The following CNTNAP2 variants were observed in gnomAD, a reference collection of about 807,000 sequenced individuals.
CNTNAP2 encodes contactin associated protein 2.
CNTNAP2 carries 98 observed loss-of-function variants against 155.2 expected under a neutral mutation model. The observed-to-expected ratio is 0.63, with a 90% CI of 0.54 to 0.75. The LOEUF (loss-of-function observed/expected upper bound fraction) is 0.75, where lower values mean the gene tolerates loss of function less well. Among genes scored for constraint, CNTNAP2 ranks in the 30% least tolerant of loss-of-function variants. The pLI is 0.00. For missense variants in CNTNAP2, 1,727 were observed against 1,688.1 expected, an observed-to-expected ratio of 1.02 and a Z score of -0.40; for synonymous variants, 651 against 631.2, an observed-to-expected ratio of 1.03 and a Z score of -0.47.
intron 22 of CNTNAP2, among the ~76,000 whole-genome samples, chr7:148,402,154 A>C (rs1007120506): frequency 1.3e-5 from 2 of 149,470 alleles, no homozygotes; most frequent in Admixed American, 6.7e-5. Context: ...GTTTCTCTTC[A>C]CTCGACCTCT....
chr7:147,786,799 T>C (rs114234245), intron 13 of CNTNAP2, among the ~76,000 whole-genome samples: 1,689 of 152,162 alleles, frequency 0.011, 27 homozygotes, highest in African/African-American at 0.039. Context: ...AAGACCTCCA[T>C]CTATACATAA....
At chr7:147,475,651 G>C (rs1028964153) in intron 10 of CNTNAP2, among the ~76,000 whole-genome samples, 2 of 151,958 alleles carry the variant, frequency 1.3e-5, no homozygotes, top group Non-Finnish European at 2.9e-5. Flanking sequence ...AAAAAAATAT[G>C]TAGTCAAATT....
intron 12 of CNTNAP2, among the ~76,000 whole-genome samples, chr7:147,595,530 C>T (rs1456766843): frequency 1.3e-5 from 2 of 152,162 alleles, no homozygotes. Context: ...AAAATATTCC[C>T]TACTGATGTA....
chr7:147,244,304 G>C (rs1167090785), intron 8 of CNTNAP2, among the ~76,000 whole-genome samples: 1 of 152,194 alleles, frequency 6.6e-6, no homozygotes, highest in Admixed American at 6.5e-5. Context: ...TGGGAGATCA[G>C]GGGCCAGCAG....
intron 1 of CNTNAP2, among the ~76,000 whole-genome samples, chr7:146,382,492 T>C (rs773135388): frequency 5.9e-5 from 9 of 152,228 alleles, no homozygotes; most frequent in Non-Finnish European, 1.3e-4. Flanking sequence ...CTGAAAACTA[T>C]GTCAATGTTC....
At chr7:147,663,139 C>T (rs1437183165) in intron 13 of CNTNAP2, among the ~76,000 whole-genome samples, 2 of 151,868 alleles carry the variant, frequency 1.3e-5, no homozygotes, top group African/African-American at 4.8e-5. Flanking sequence ...GCTGGGATTA[C>T]AGGTGCCCAC....
At chr7:147,697,643 T>G (rs1796182060) in intron 13 of CNTNAP2, among the ~76,000 whole-genome samples, 1 of 152,134 alleles carries the variant, frequency 6.6e-6, no homozygotes, top group Non-Finnish European at 1.5e-5. Context: ...GCTATGGACT[T>G]CACAAGTTTC....
chr7:146,666,902 G>C (rs989251503), intron 1 of CNTNAP2, among the ~76,000 whole-genome samples: 7 of 152,054 alleles, frequency 4.6e-5, no homozygotes, highest in African/African-American at 1.7e-4. Context: ...GTCAGATGTA[G>C]AGTTTGCAAA....
At chr7:147,048,837 G>A (rs577867102) in intron 4 of CNTNAP2, among the ~76,000 whole-genome samples, 1 of 152,094 alleles carries the variant, frequency 6.6e-6, no homozygotes, top group Non-Finnish European at 1.5e-5. Context: ...ACCTATAAAA[G>A]TTATGTTTTA....
chr7:146,563,326 C>T lies in CNTNAP2; in HGVS notation c.98-210945C>T, dbSNP rs17586386. On this transcript the variant is annotated intron_variant, in intron 1 of 23. Transcript: ENST00000361727. ...TCATCCTTTAAGGCTAACTGAGAGC[C>T]ACATATTCAAAGAAGACTTCCAAAC... is the stretch of plus-strand genomic sequence containing the variant. Among the ~76,000 whole-genome samples the T allele has an allele frequency of 9.3e-3, 1,407 of 152,078 alleles. 10 individuals carry two copies. Among genetic ancestry groups the T allele is most frequent in the Non-Finnish European group, 0.013 (900 of 67,964 alleles).
intron 13 of CNTNAP2, among the ~76,000 whole-genome samples, chr7:147,872,228 A>G (rs1477483352): frequency 1.3e-5 from 2 of 152,178 alleles, no homozygotes; most frequent in African/African-American, 4.8e-5. Flanking sequence ...TTTTGGGACT[A>G]TTTATCAGTT....
chr7:148,254,730 C>G (rs998351918), intron 20 of CNTNAP2, among the ~76,000 whole-genome samples: 6 of 145,062 alleles, frequency 4.1e-5, no homozygotes, highest in African/African-American at 1.5e-4. Context: ...GAGTCAAGAT[C>G]GTGCCACTGC....
At chr7:146,425,843 A>C (rs967603848) in intron 1 of CNTNAP2, among the ~76,000 whole-genome samples, 8 of 152,080 alleles carry the variant, frequency 5.3e-5, no homozygotes, top group Admixed American at 5.2e-4. Context: ...AGAAACTACA[A>C]ACAAACAATA....
intron 11 of CNTNAP2, among the ~76,000 whole-genome samples, chr7:147,508,360 T>A (rs1544015): frequency 0.46 from 70,354 of 151,968 alleles, 17,895 homozygotes; most frequent in East Asian, 0.82. Flanking sequence ...GCCAGTAATC[T>A]AGCCACATCT....
chr7:146,999,851 G>A (rs1167538177), intron 3 of CNTNAP2, among the ~76,000 whole-genome samples: 1 of 151,878 alleles, frequency 6.6e-6, no homozygotes, highest in South Asian at 2.1e-4. Flanking sequence ...TAACTTGAGG[G>A]TAATCTTTTT....
chr7:147,055,518 T>C (rs1799545192), intron 4 of CNTNAP2, among the ~76,000 whole-genome samples: 1 of 152,156 alleles, frequency 6.6e-6, no homozygotes, highest in Non-Finnish European at 1.5e-5. Context: ...GTCCTGGGGT[T>C]ATGGGTATGA....
intron 2 of CNTNAP2, among the ~76,000 whole-genome samples, chr7:146,791,409 A>T (rs183271830): frequency 4.0e-4 from 61 of 152,320 alleles, no homozygotes; most frequent in African/African-American, 1.5e-3. Flanking sequence ...ATACATGTGC[A>T]TGTGTCTTTA....
intron 3 of CNTNAP2, among the ~76,000 whole-genome samples, chr7:146,949,734 A>G (rs905230594): frequency 6.6e-6 from 1 of 152,162 alleles, no homozygotes; most frequent in Non-Finnish European, 1.5e-5. Flanking sequence ...GGAATAGGCC[A>G]ATGTTCTCAT....
intron 13 of CNTNAP2, among the ~76,000 whole-genome samples, chr7:147,776,516 G>T (rs1797588489): frequency 6.6e-6 from 1 of 152,106 alleles, no homozygotes; most frequent in African/African-American, 2.4e-5. Flanking sequence ...GTCTTAAAAA[G>T]TCAGCTACAG....
Sources: gnomAD v4.1 joint callset for allele counts (sites outside exome capture counted in the v4.1 genomes callset) on GRCh38, gnomAD v4.1.1 for gene constraint, MANE v1.5 for transcripts, NCBI Gene and HGNC (gene_info 2026-07-23, HGNC 2026-07-21) for gene names.